CREB5: variants seen among roughly 807,000 people sequenced by gnomAD.
CREB5 encodes cAMP responsive element binding protein 5.
CREB5 carries 19 observed loss-of-function variants against 57.1 expected under a neutral mutation model. The observed-to-expected ratio is 0.33, with a 90% CI of 0.23 to 0.49. The LOEUF is 0.49. Among genes scored for constraint, CREB5 ranks in the 20% least tolerant of loss-of-function variants. The pLI is 0.99. For synonymous variants in CREB5, 238 were observed against 238.3 expected, an observed-to-expected ratio of 1.00 and a Z score of 0.01; for missense variants, 579 against 671.6, an observed-to-expected ratio of 0.86 and a Z score of 1.52.
intron 1 of CREB5, among the ~76,000 whole-genome samples, chr7:28,432,209 T>C (rs1270705787): frequency 2.0e-5 from 3 of 152,064 alleles, no homozygotes; most frequent in South Asian, 2.1e-4. Flanking sequence ...GCAAGGACAA[T>C]GTGGTAGATG....
chr7:28,793,164 C>T (rs933338022), intron 7 of CREB5, among the ~76,000 whole-genome samples: 1 of 152,016 alleles, frequency 6.6e-6, no homozygotes, highest in Non-Finnish European at 1.5e-5. Flanking sequence ...TACTGGGAGC[C>T]CCCACACTTT....
chr7:28,516,058 A>G (rs1792935721), intron 4 of CREB5, among the ~76,000 whole-genome samples: 1 of 151,942 alleles, frequency 6.6e-6, no homozygotes, highest in South Asian at 2.1e-4. Flanking sequence ...AAATGAAAAT[A>G]AAAAAATTAT....
intron 5 of CREB5, among the ~76,000 whole-genome samples, chr7:28,624,626 A>G (rs1797931736): frequency 1.3e-5 from 2 of 151,224 alleles, no homozygotes; most frequent in South Asian, 4.2e-4. Context: ...TCTAAGTTGA[A>G]CATTTTTCTC....
At chr7:28,560,835 T>TGCATGCGC (rs1450019513) in intron 4 of CREB5, among the ~76,000 whole-genome samples, 14 of 59,820 alleles carry the variant, frequency 2.3e-4, no homozygotes, top group Non-Finnish European at 2.9e-4. Flanking sequence ...CGCGCGCGCG[T>TGCATGCGC]GTGTGTGTGC....
chr7:28,352,565 T>A (rs1366268726), intron 1 of CREB5, among the ~76,000 whole-genome samples: 1 of 152,228 alleles, frequency 6.6e-6, no homozygotes, highest in Admixed American at 6.5e-5. Flanking sequence ...TGCTCAGCTC[T>A]TCTCAGTGTG....
In CREB5 at chr7:28,809,181, C is replaced by A; in HGVS notation, c.1027-6C>A. On this transcript the variant is annotated splice_polypyrimidine_tract_variant and splice_region_variant and intron_variant, in intron 8 of 10. Coordinates refer to ENST00000357727, the MANE Select transcript of CREB5 (RefSeq NM_182898.4). ...CCCATCACCTCCTCCCTCTCTGGCCCAGCAGGTTTCACCAGCAACACAACA... is the reference window on the plus strand; with the variant it reads ...CCCATCACCTCCTCCCTCTCTGGCCAAGCAGGTTTCACCAGCAACACAACA... 1 of 1,606,448 alleles carries A rather than the reference C, an allele frequency of 6.2e-7. No homozygotes were observed. Among genetic ancestry groups the A allele is most frequent in the Non-Finnish European group, 8.5e-7 (1 of 1,175,172 alleles).
intron 4 of CREB5, among the ~76,000 whole-genome samples, chr7:28,551,864 C>CT: frequency 1.4e-5 from 2 of 143,962 alleles, no homozygotes; most frequent in Non-Finnish European, 1.5e-5. Context: ...TCTTTTCTTT[C>CT]TTTCTTTTTC....
chr7:28,593,797 C>G (rs1255939529), intron 5 of CREB5, among the ~76,000 whole-genome samples: 1 of 152,180 alleles, frequency 6.6e-6, no homozygotes, highest in African/African-American at 2.4e-5. Flanking sequence ...AATGTGCTGA[C>G]TTAGCCAGAG....
intron 7 of CREB5, among the ~76,000 whole-genome samples, chr7:28,739,884 T>C (rs2128756182): frequency 6.6e-6 from 1 of 152,364 alleles, no homozygotes; most frequent in Admixed American, 6.5e-5. Flanking sequence ...ACTGGGAAGC[T>C]GAGGCTCTCC....
chr7:28,800,846 A>G (rs1808321975), intron 7 of CREB5, among the ~76,000 whole-genome samples: 1 of 152,064 alleles, frequency 6.6e-6, no homozygotes. Context: ...CCTTTTGATG[A>G]TGGGGAGGTG....
intron 7 of CREB5, among the ~76,000 whole-genome samples, chr7:28,763,993 G>A (rs1020239475): frequency 6.6e-6 from 1 of 151,814 alleles, no homozygotes; most frequent in African/African-American, 2.4e-5. Context: ...TGTAGAGAGA[G>A]GGTCTCACTA....
At chr7:28,410,476 A>G (rs1240794552), upstream of CREB5, 1 of 456,646 alleles carries the variant, frequency 2.2e-6, no homozygotes, top group East Asian at 7.0e-5. Flanking sequence ...AACCAAGGAG[A>G]TGTTTTCTCT....
Position 28,821,542 on chromosome 7 carries a change from A to G in CREB5, c.*2263A>G, listed in dbSNP as rs993455613. 8 of 152,042 alleles carry G rather than the reference A, an allele frequency of 5.3e-5. No individual in the cohort carries two copies. The highest frequency in any genetic ancestry group is 1.9e-4 in the African/African-American group (8 of 41,422). The allele number at this position is 152,042 out of a possible 1,614,324, so 9.4% of individuals were successfully genotyped here. On this transcript the variant is annotated 3_prime_UTR_variant, in exon 11 of 11. Coordinates refer to ENST00000357727, the MANE Select transcript of CREB5 (RefSeq NM_182898.4). ...ATTTTCTATTATATTTTAGACAAAC[A>G]TATCATTTTCGAGTATTTTAAATAC...
chr7:28,639,626 T>C (rs1268907061), intron 5 of CREB5, among the ~76,000 whole-genome samples: 1 of 152,152 alleles, frequency 6.6e-6, no homozygotes, highest in Non-Finnish European at 1.5e-5. Flanking sequence ...GGCCGGGCAC[T>C]AATCATGGAC....
chr7:28,804,285 C>G lies in CREB5; in HGVS notation c.789C>G (p.Gly263=). The change falls in exon 8 of 11, where the codon GGC becomes GGG. Residue 263 remains glycine, a synonymous_variant. Coordinates refer to ENST00000357727, the MANE Select transcript of CREB5 (RefSeq NM_182898.4). ...TGGGACACATGATGGAGATGATGGG[C>G]TCCCGGCAGGACCAGACGCCACACC... The part of the protein sequence containing the change: ...NTMGHMMEMM[G]SRQDQTPHHH... 6.2e-7 allele frequency: 1 copy of G among 1,614,048 alleles called. No individual in the cohort carries two copies. Among genetic ancestry groups the G allele is most frequent in the Non-Finnish European group, 8.5e-7 (1 of 1,180,022 alleles).
At chr7:28,641,943 T>C (rs535526471) in intron 5 of CREB5, among the ~76,000 whole-genome samples, 121 of 152,322 alleles carry the variant, frequency 7.9e-4, no homozygotes, top group African/African-American at 2.9e-3. Flanking sequence ...CACGTGTGTG[T>C]ATGTGCTCCT....
chr7:28,392,039 G>A (rs897379266), intron 1 of CREB5, among the ~76,000 whole-genome samples: 6 of 152,120 alleles, frequency 3.9e-5, no homozygotes, highest in African/African-American at 1.2e-4. Context: ...ACCAAATACC[G>A]CATGTTCTCA....
intron 4 of CREB5, among the ~76,000 whole-genome samples, chr7:28,562,692 C>T (rs1795326134): frequency 2.6e-5 from 4 of 152,228 alleles, no homozygotes; most frequent in Admixed American, 2.0e-4. Context: ...AGATAAGGGA[C>T]ACTAATCAGA....
chr7:28,806,464 C>G (rs538450711), intron 8 of CREB5, among the ~76,000 whole-genome samples: 17 of 152,236 alleles, frequency 1.1e-4, no homozygotes, highest in African/African-American at 4.1e-4. Flanking sequence ...CTCTGAGATT[C>G]TAAGGTGATT....
Sources: gnomAD v4.1 joint callset for allele counts (sites outside exome capture counted in the v4.1 genomes callset) on GRCh38, gnomAD v4.1.1 for gene constraint, MANE v1.5 for transcripts, NCBI Gene and HGNC (gene_info 2026-07-23, HGNC 2026-07-21) for gene names.